PRKG1: variants seen among roughly 807,000 people sequenced by gnomAD.
PRKG1 encodes the protein cGMP-dependent protein kinase 1.
Under a neutral mutation model 88.1 loss-of-function variants are expected in PRKG1, and 35 were observed. The ratio of observed to expected loss-of-function variants is 0.40; its 90% confidence interval spans 0.30 to 0.53. The LOEUF is 0.53. Among genes scored for constraint, PRKG1 ranks in the 20% least tolerant of loss-of-function variants. The pLI is 0.59. For synonymous variants in PRKG1, 303 were observed against 292.5 expected, an observed-to-expected ratio of 1.04 and a Z score of -0.37; for missense variants, 540 against 839.8, an observed-to-expected ratio of 0.64 and a Z score of 4.41.
At chr10:51,826,652 G>A (rs937255600) in intron 4 of PRKG1, among the ~76,000 whole-genome samples, 3 of 152,154 alleles carry the variant, frequency 2.0e-5, no homozygotes, top group Non-Finnish European at 2.9e-5. Flanking sequence ...CTGTCCACAA[G>A]TGTCTACTAT....
chr10:52,259,134 A>AG (rs397977740), intron 10 of PRKG1, among the ~76,000 whole-genome samples: 32 of 151,868 alleles, frequency 2.1e-4, no homozygotes, highest in African/African-American at 6.5e-4. Context: ...AAAAAAAAAA[A>AG]GAGTTGTTTG....
intron 5 of PRKG1, among the ~76,000 whole-genome samples, chr10:51,945,114 A>G (rs1842996140): frequency 6.7e-6 from 1 of 150,344 alleles, no homozygotes; most frequent in Non-Finnish European, 1.5e-5. Flanking sequence ...GTCACTCAGG[A>G]CTTGCTTTAT....
intron 7 of PRKG1, among the ~76,000 whole-genome samples, chr10:52,087,139 C>A (rs1846937007): frequency 6.6e-6 from 1 of 152,136 alleles, no homozygotes; most frequent in South Asian, 2.1e-4. Flanking sequence ...TAATAAAAAA[C>A]AACTGCATTT....
At chr10:51,904,027 A>G (rs1025906994) in intron 4 of PRKG1, among the ~76,000 whole-genome samples, 1 of 152,264 alleles carries the variant, frequency 6.6e-6, no homozygotes, top group Admixed American at 6.5e-5. Context: ...CTCATCTTCT[A>G]TTATTGTCAT....
intron 9 of PRKG1, among the ~76,000 whole-genome samples, chr10:52,165,214 ATAAT>A (rs1838401774): frequency 1.3e-5 from 2 of 152,154 alleles, no homozygotes; most frequent in Non-Finnish European, 2.9e-5. Flanking sequence ...CTTCTAATAA[ATAAT>A]TAATATCGGA....
intron 2 of PRKG1, among the ~76,000 whole-genome samples, chr10:51,366,417 C>T (rs1842591596): frequency 6.6e-6 from 1 of 151,950 alleles, no homozygotes; most frequent in African/African-American, 2.4e-5. Flanking sequence ...AAACAATGTT[C>T]CTGTCAAGAC....
At chr10:52,121,811 G>C (rs1037726582) in intron 7 of PRKG1, among the ~76,000 whole-genome samples, 1 of 152,072 alleles carries the variant, frequency 6.6e-6, no homozygotes, top group African/African-American at 2.4e-5. Context: ...TCTCCCTACA[G>C]CTCCTGTCTT....
At chr10:52,128,385 A>T (rs1399044228) in intron 7 of PRKG1, 1 of 985,276 alleles carries the variant, frequency 1.0e-6, no homozygotes, top group East Asian at 1.1e-4. Context: ...AATGAACGCT[A>T]GAGTTCTCTC....
chr10:51,712,937 A>G (rs1166741207), intron 3 of PRKG1, among the ~76,000 whole-genome samples: 1 of 151,552 alleles, frequency 6.6e-6, no homozygotes, highest in African/African-American at 2.4e-5. Flanking sequence ...TGTTTTACAC[A>G]TAACTGCTCA....
At chr10:52,233,801 T>C (rs1320088959) in intron 9 of PRKG1, among the ~76,000 whole-genome samples, 1 of 151,772 alleles carries the variant, frequency 6.6e-6, no homozygotes, top group African/African-American at 2.4e-5. Context: ...TCGAACTGGG[T>C]GGAGCCCACC....
chr10:51,299,629 C>T, intron 2 of PRKG1: 1 of 466,032 alleles, frequency 2.1e-6, no homozygotes, highest in South Asian at 1.6e-5. Context: ...ACAGAGAAGG[C>T]ACTATGAGAT....
intron 2 of PRKG1, among the ~76,000 whole-genome samples, chr10:51,311,280 T>C (rs1413407366): frequency 1.3e-5 from 2 of 152,186 alleles, no homozygotes; most frequent in Non-Finnish European, 2.9e-5. Flanking sequence ...TTTGATTGTC[T>C]GTGCTCAACT....
chr10:51,705,692 T>TCC (rs1348126285), intron 3 of PRKG1, among the ~76,000 whole-genome samples: 1 of 152,192 alleles, frequency 6.6e-6, no homozygotes, highest in Non-Finnish European at 1.5e-5. Context: ...CTGCAACCTT[T>TCC]TGAAGATAGG....
intron 4 of PRKG1, among the ~76,000 whole-genome samples, chr10:51,826,588 C>T (rs1393720017): frequency 6.6e-6 from 1 of 152,162 alleles, no homozygotes; most frequent in Non-Finnish European, 1.5e-5. Flanking sequence ...GCTGGATAAA[C>T]TCCTAGGACT....
intron 3 of PRKG1, among the ~76,000 whole-genome samples, chr10:51,565,581 A>G (rs1256636172): frequency 6.6e-6 from 1 of 152,110 alleles, no homozygotes; most frequent in Non-Finnish European, 1.5e-5. Context: ...ATGAGTGCAA[A>G]TTAGCTGCAA....
At chr10:51,961,400 T>G (rs1445685544) in intron 5 of PRKG1, among the ~76,000 whole-genome samples, 4 of 152,074 alleles carry the variant, frequency 2.6e-5, no homozygotes, top group African/African-American at 7.2e-5. Flanking sequence ...AAAAAGAATC[T>G]GCATTTAAGC....
At chr10:50,998,049 C>T (rs964084940) in intron 1 of PRKG1, among the ~76,000 whole-genome samples, 4 of 152,162 alleles carry the variant, frequency 2.6e-5, no homozygotes, top group African/African-American at 9.7e-5. Flanking sequence ...TAGATCACAG[C>T]ATCTTATAGT....
Position 51,638,271 on chromosome 10 carries a change from T to C in PRKG1, c.593-166314T>C, listed in dbSNP as rs150474129. On this transcript the variant is annotated intron_variant, in intron 3 of 17. Transcript: ENST00000373980. ...GTATACTCCATTTTGGAATCTCATC[T>C]TAAAATAGTAATGGAAGTCTTATTT... 7.6e-4 allele frequency among the ~76,000 whole-genome samples: 115 copies of C among 152,304 alleles called. 1 individual carries two copies. The East Asian group carries it at 0.021, about 28-fold the overall frequency.
At chr10:51,429,157 T>C (rs1288850148) in intron 2 of PRKG1, among the ~76,000 whole-genome samples, 1 of 152,192 alleles carries the variant, frequency 6.6e-6, no homozygotes, top group Admixed American at 6.5e-5. Flanking sequence ...CTCAACATGT[T>C]TGAGCACAAC....
Sources: gnomAD v4.1 joint callset for allele counts (sites outside exome capture counted in the v4.1 genomes callset) on GRCh38, gnomAD v4.1.1 for gene constraint, MANE v1.5 for transcripts, NCBI Gene and HGNC (gene_info 2026-07-23, HGNC 2026-07-21) for gene names.